VIPR2: variants seen among roughly 807,000 people sequenced by gnomAD.
VIPR2 encodes the protein vasoactive intestinal peptide receptor 2, also known as vasoactive intestinal polypeptide receptor 2.
A neutral mutation model predicts 58.0 loss-of-function variants in VIPR2; 48 were observed. That is an observed-to-expected ratio of 0.83 (90% CI 0.66 to 1.05). VIPR2 has a LOEUF of 1.05. VIPR2 is among the 50% of genes least tolerant of loss of function. VIPR2 has a pLI of 0.00. For synonymous variants in VIPR2, 243 were observed against 235.2 expected, an observed-to-expected ratio of 1.03 and a Z score of -0.30; for missense variants, 534 against 558.0, an observed-to-expected ratio of 0.96 and a Z score of 0.43.
At chr7:159,046,172 C>T (rs1854639711) in intron 5 of VIPR2, among the ~76,000 whole-genome samples, 1 of 152,158 alleles carries the variant, frequency 6.6e-6, no homozygotes, top group African/African-American at 2.4e-5. Context: ...TTGGTGGTTT[C>T]TCAACACAGA....
rs1410978573 is a variant in VIPR2, at chr7:159,097,490, C to T, written c.357+6267G>A. ...GGAACGCCACACTCCGCCCTGGCCACCTCCACCACAGAAGCAATGGCAGGG... is the reference window on the plus strand; with the variant it reads ...GGAACGCCACACTCCGCCCTGGCCATCTCCACCACAGAAGCAATGGCAGGG... On this transcript the variant is annotated intron_variant, in intron 4 of 12. Transcript: ENST00000262178. The surrounding 1 kb of genome is among the most constrained non-coding windows in gnomAD (Gnocchi z 5.3). Among the ~76,000 whole-genome samples the T allele has an allele frequency of 6.6e-6, 1 of 152,060 alleles. No homozygotes were observed. The highest frequency in any genetic ancestry group is 1.5e-5 in the Non-Finnish European group (1 of 68,012).
chr7:159,119,767 G>A (rs988766600), intron 2 of VIPR2, among the ~76,000 whole-genome samples: 4 of 152,176 alleles, frequency 2.6e-5, no homozygotes, highest in Non-Finnish European at 5.9e-5. Context: ...CCCAGCCTGG[G>A]AAGTGCAGCC....
chr7:159,035,914 G>A (rs780692900), intron 8 of VIPR2, 38 bp downstream of exon 8: 56 of 1,601,576 alleles, frequency 3.5e-5, no homozygotes, highest in Non-Finnish European at 4.8e-5. Flanking sequence ...GATGTTGCCG[G>A]GCCCGTTTTC....
chr7:159,141,874 C>T (rs149059103), intron 2 of VIPR2, among the ~76,000 whole-genome samples: 48 of 152,336 alleles, frequency 3.2e-4, no homozygotes, highest in African/African-American at 1.1e-3. Context: ...AGGCCGGGTG[C>T]TATCCCAGGG....
chr7:159,115,204 C>T (rs1796191861), intron 2 of VIPR2, among the ~76,000 whole-genome samples: 1 of 152,218 alleles, frequency 6.6e-6, no homozygotes, highest in African/African-American at 2.4e-5. Flanking sequence ...AGCATTTCCA[C>T]TACCATGGGA....
rs142944259 is a variant in VIPR2, at chr7:159,141,352, G to A, written c.151+1094C>T. On this transcript the variant is annotated intron_variant, in intron 2 of 12. Coordinates refer to ENST00000262178, the MANE Select transcript of VIPR2 (RefSeq NM_003382.5). ...GATCTTTACAGCCGGAAGAAGCCTC[G>A]GAGGCAGAGCCTGCACGTTTCAGAC... Among the ~76,000 whole-genome samples the A allele has an allele frequency of 2.0e-3, 303 of 152,378 alleles. 12 individuals carry two copies. In the East Asian group the frequency reaches 0.054, roughly 27 times the overall value.
At chr7:159,034,183 A>G (rs1288315409) in intron 10 of VIPR2, 30 bp downstream of exon 10, 3 of 1,609,058 alleles carry the variant, frequency 1.9e-6, no homozygotes, top group South Asian at 2.2e-5. Context: ...CATCCCCATC[A>G]GGGACGGCCA....
chr7:159,045,801 T>C (rs1441880980), intron 5 of VIPR2, among the ~76,000 whole-genome samples: 1 of 151,666 alleles, frequency 6.6e-6, no homozygotes, highest in Admixed American at 6.6e-5. Flanking sequence ...CTTTTACATA[T>C]TAAAGGACAT....
chr7:159,043,134 G>T lies in VIPR2; in HGVS notation c.498C>A (p.Phe166Leu). 3 of 1,612,676 alleles carry T rather than the reference G, an allele frequency of 1.9e-6. No homozygotes were observed. Among genetic ancestry groups the T allele is most frequent in the Non-Finnish European group, 2.5e-6 (3 of 1,179,280 alleles). ...AGATGGCTCTCAGGATGAAGGACAG[G>T]AACAGGTTCAGGTGGATGTAATTCC... ...CTRNYIHLNL[F>L]LSFILRAISV... Residue 166 changes from phenylalanine (F) to leucine (L), a missense_variant, in exon 6 of 13, where the codon TTC becomes TTA. Physicochemically the swap from Phe to Leu is conservative, Grantham distance 22. Transcript: ENST00000262178.
At chr7:159,077,492 T>C (rs13438247) in intron 4 of VIPR2, among the ~76,000 whole-genome samples, 3 of 145,754 alleles carry the variant, frequency 2.1e-5, no homozygotes, top group Non-Finnish European at 4.5e-5. Context: ...TGAGGTATTA[T>C]AGTGTAACTG....
chr7:159,049,130 C>A (rs1854830289), intron 5 of VIPR2, among the ~76,000 whole-genome samples: 1 of 152,242 alleles, frequency 6.6e-6, no homozygotes, highest in African/African-American at 2.4e-5. Context: ...AGACCCTCAT[C>A]AAATGTCAAC....
intron 8 of VIPR2, 121 bp downstream of exon 8, chr7:159,035,831 T>TC: frequency 6.9e-7 from 1 of 1,451,612 alleles, no homozygotes; most frequent in Non-Finnish European, 9.1e-7. Flanking sequence ...TGCGTGGCTG[T>TC]CGGTTGGCCG....
chr7:159,054,626 G>A lies in VIPR2; in HGVS notation c.455+3855C>T, dbSNP rs1037022314. 3.3e-5 allele frequency among the ~76,000 whole-genome samples: 5 copies of A among 152,300 alleles called. No individual in the cohort carries two copies. The South Asian group carries it at 6.2e-4, about 19-fold the overall frequency. ...AACACCGTTCTATGTTATTACAGAC[G>A]CACAAGAATGGCTGAAGGCTTAAAA... On this transcript the variant is annotated intron_variant, in intron 5 of 12. Transcript: ENST00000262178.
intron 4 of VIPR2, among the ~76,000 whole-genome samples, chr7:159,063,709 G>T (rs994779699): frequency 2.1e-5 from 3 of 146,114 alleles, no homozygotes; most frequent in African/African-American, 7.7e-5. Context: ...GTCTTGGGGG[G>T]ATCTGGGGTT....
intron 5 of VIPR2, among the ~76,000 whole-genome samples, chr7:159,058,218 C>G (rs762688519): frequency 3.3e-4 from 50 of 152,194 alleles, no homozygotes; most frequent in Admixed American, 3.9e-4. Context: ...ATTTTCCACG[C>G]ATTTGCATAA....
At chr7:159,051,617 C>G (rs374658836) in intron 5 of VIPR2, among the ~76,000 whole-genome samples, 125 of 152,090 alleles carry the variant, frequency 8.2e-4, no homozygotes, top group African/African-American at 1.3e-3. Flanking sequence ...AAAGCAAATT[C>G]CAATTAAATG....
At chr7:159,114,445 CTTG>C (rs1426124027) in intron 2 of VIPR2, among the ~76,000 whole-genome samples, 3 of 152,138 alleles carry the variant, frequency 2.0e-5, no homozygotes, top group Non-Finnish European at 1.5e-5. Flanking sequence ...GGAAATGGGA[CTTG>C]TTAAGCTCTG....
intron 2 of VIPR2, among the ~76,000 whole-genome samples, chr7:159,131,606 C>A (rs563574617): frequency 1.3e-5 from 2 of 152,342 alleles, no homozygotes; most frequent in East Asian, 3.9e-4. Context: ...CACTAACCCT[C>A]CTGAAGACCT....
At chr7:159,045,703 C>G (rs1176332093) in intron 5 of VIPR2, among the ~76,000 whole-genome samples, 2 of 152,096 alleles carry the variant, frequency 1.3e-5, no homozygotes, top group African/African-American at 4.8e-5. Flanking sequence ...GTCTAATAGG[C>G]TCTGTTGGAT....
Sources: allele counts gnomAD v4.1 joint callset (sites outside exome capture counted in the v4.1 genomes callset), GRCh38; gene constraint gnomAD v4.1.1; non-coding constraint Gnocchi (gnomAD v3.1); transcripts MANE v1.5; gene names NCBI Gene and HGNC (gene_info 2026-07-23, HGNC 2026-07-21).